Variants in STRAP observed in about 807,000 individuals in gnomAD.
STRAP encodes serine-threonine kinase receptor-associated protein.
Under a neutral mutation model 47.0 loss-of-function variants are expected in STRAP, and 16 were observed. That is an observed-to-expected ratio of 0.34 (90% CI 0.23 to 0.52). The LOEUF (loss-of-function observed/expected upper bound fraction) is 0.52. Among genes scored for constraint, STRAP ranks in the 20% least tolerant of loss-of-function variants. The probability of loss-of-function intolerance (pLI) is 0.96; values close to 1 mark genes in which losing one functional copy is unlikely to be tolerated. For synonymous variants in STRAP, 130 were observed against 142.7 expected, an observed-to-expected ratio of 0.91 and a Z score of 0.63; for missense variants, 293 against 420.0, an observed-to-expected ratio of 0.70 and a Z score of 2.64.
chr12:15,882,523 T>C lies in STRAP; in HGVS notation c.-185T>C. The C allele has an allele frequency of 2.1e-6, 1 of 467,264 alleles. No homozygotes were observed. The highest frequency in any genetic ancestry group is 3.4e-5 in the Admixed American group (1 of 29,766). The allele number at this position is 467,264 out of a possible 1,614,324, so 28.9% of individuals were successfully genotyped here. A position where few individuals can be genotyped will look rare whatever the true frequency, so the allele number is the denominator to read the frequency against. ...CGACTGTTGCTTGCTGGTCGCAGAC[T>C]CCCTGACCCCTCCCTCACCCCTCCC... On this transcript the variant is annotated 5_prime_UTR_variant, in exon 1 of 10. Transcript: ENST00000419869.
chr12:15,890,458 C>T lies in STRAP; in HGVS notation c.331-139C>T, dbSNP rs1037308447. ...GAGGTCAGCTGTTCCACAGTATCTT[C>T]TCAGAAGTAATTGGTTATGTCTTGG... is the stretch of plus-strand genomic sequence containing the variant. On this transcript the variant is annotated intron_variant, in intron 3 of 9. Transcript: ENST00000419869. This position sits in a 1 kb window ranked among gnomAD's most constrained non-coding sequence, Gnocchi z 4.5. 6.9e-6 allele frequency: 5 copies of T among 725,982 alleles called. No individual in the cohort carries two copies. The highest frequency in any genetic ancestry group is 5.4e-5 in the African/African-American group (3 of 55,232). The allele number at this position is 725,982 out of a possible 1,614,324, so 45.0% of individuals were successfully genotyped here.
chr12:15,882,418 CG>C lies in STRAP; in HGVS notation c.-289del, dbSNP rs2136105741. 1 of 483,832 alleles carries C rather than the reference CG, an allele frequency of 2.1e-6. No individual in the cohort carries two copies. Among genetic ancestry groups the C allele is most frequent in the South Asian group, 2.5e-5 (1 of 39,256 alleles). 30.0% of individuals were successfully genotyped at this position (483,832 alleles called of 1,614,324 possible). On this transcript the variant is annotated 5_prime_UTR_variant, in exon 1 of 10. An upstream open reading frame in the 5' UTR loses its in-frame stop. Transcript: ENST00000419869. ...CACTTCCTGCCGATGCCGGTGTGGA[CG>C]CTGTGAATCGTGGCTGGCCCGGTTC...
intron 4 of STRAP, among the ~76,000 whole-genome samples, chr12:15,892,709 T>A (rs1398972665): frequency 6.6e-6 from 1 of 152,232 alleles, no homozygotes; most frequent in Non-Finnish European, 1.5e-5. Context: ...ATTTTTTTAT[T>A]CTCCATTGCA....
chr12:15,889,096 G>C (rs1447674390), intron 2 of STRAP, among the ~76,000 whole-genome samples: 1 of 151,868 alleles, frequency 6.6e-6, no homozygotes, highest in Non-Finnish European at 1.5e-5. Flanking sequence ...TCACTGACCT[G>C]TTCTGATCTA....
chr12:15,902,885 C>CTTTTTTTTT (rs71042274), intron 9 of STRAP, 32 bp from the exon 10 acceptor site: 271 of 1,102,774 alleles, frequency 2.5e-4, no homozygotes, highest in South Asian at 8.1e-4. Flanking sequence ...ACTAATGTGA[C>CTTTTTTTTT]TTTTTTTTTT....
intron 1 of STRAP, 123 bp downstream of exon 1, chr12:15,882,942 A>G: frequency 7.5e-7 from 1 of 1,336,804 alleles, no homozygotes; most frequent in Non-Finnish European, 1.0e-6. Context: ...TTAACATCTG[A>G]GATGAGAGCC....
chr12:15,886,162 C>T (rs1030152049), intron 2 of STRAP, among the ~76,000 whole-genome samples: 2 of 151,720 alleles, frequency 1.3e-5, no homozygotes, highest in Non-Finnish European at 2.9e-5. Context: ...CGTGTGCTAA[C>T]TATGCTGTGT....
rs1948040687 is a variant in STRAP at position 15,894,157 on chromosome 12, CT to C, written c.500+17del. The C allele has an allele frequency of 6.2e-7, 1 of 1,603,642 alleles. No individual in the cohort carries two copies. Among genetic ancestry groups the C allele is most frequent in the South Asian group, 1.1e-5 (1 of 90,800 alleles). ...CAAAACTGTTCGGTAAGTAATTTTT[CT>C]TTAATAATTTACAATTTAAGGCCGG... On this transcript the variant is annotated intron_variant, in intron 5 of 9. Coordinates refer to ENST00000419869, the MANE Select transcript of STRAP (RefSeq NM_007178.4). This position sits in a 1 kb window ranked among gnomAD's most constrained non-coding sequence, Gnocchi z 4.9.
At position 15,891,162 on chromosome 12, in the gene STRAP, T is replaced by TAA. The variant is rs556910313; in HGVS notation, c.403+494_403+495dup. On this transcript the variant is annotated intron_variant, in intron 4 of 9. Transcript: ENST00000419869. Reference sequence around the variant, plus strand: ...TTTTTTCTGCACAGTTTTTAAAAAATAAGTTTATTTGCTATGTTGCTATTG... The same window carrying TAA: ...TTTTTTCTGCACAGTTTTTAAAAAATAAAAGTTTATTTGCTATGTTGCTATTG... 2.9e-3 allele frequency among the ~76,000 whole-genome samples: 447 copies of TAA among 152,310 alleles called. 3 individuals carry two copies. The highest frequency in any genetic ancestry group is 0.01 in the African/African-American group (432 of 41,578).
Position 15,889,930 on chromosome 12 carries a change from A to C in STRAP, c.251A>C (p.Lys84Thr). The change falls in exon 3 of 10, where the codon AAA (lysine) becomes ACA (threonine). Residue 84 changes from lysine (K) to threonine (T), a missense_variant and splice_region_variant. Physicochemically the swap from Lys to Thr is moderately conservative, Grantham distance 78 (BLOSUM62 -1). Coordinates refer to ENST00000419869, the MANE Select transcript of STRAP (RefSeq NM_007178.4). ...AATTTTCTCTTTTTTACTTTTAGCA[A>C]AGTGTGGGATGCTGTCTCAGGAGAT... ...AATAAADFTA[K>T]VWDAVSGDEL... 6.2e-7 allele frequency: 1 copy of C among 1,612,456 alleles called. No individual in the cohort carries two copies. Among genetic ancestry groups the C allele is most frequent in the Non-Finnish European group, 8.5e-7 (1 of 1,179,016 alleles).
chr12:15,882,637 C>T lies in STRAP; in HGVS notation c.-71C>T. 7.4e-7 allele frequency: 1 copy of T among 1,357,458 alleles called. No homozygotes were observed. Among genetic ancestry groups the T allele is most frequent in the Non-Finnish European group, 1.0e-6 (1 of 978,350 alleles). The allele number at this position is 1,357,458 out of a possible 1,614,324, so 84.1% of individuals were successfully genotyped here. On this transcript the variant is annotated 5_prime_UTR_variant, in exon 1 of 10. Transcript: ENST00000419869. ...CGGGGGCCTGGAGCAGCCCGAGGCA[C>T]TGCAGCAGAAGAGAGAAAAGACAAC...
At chr12:15,895,240 G>C in intron 5 of STRAP, 119 bp from the exon 6 acceptor site, 1 of 809,588 alleles carries the variant, frequency 1.2e-6, no homozygotes, top group Non-Finnish European at 1.8e-6. Context: ...GACTTGGAAT[G>C]AATGTTGTTT....
intron 9 of STRAP, among the ~76,000 whole-genome samples, chr12:15,902,577 A>G (rs988935038): frequency 4.6e-5 from 7 of 152,218 alleles, no homozygotes; most frequent in African/African-American, 1.7e-4. Context: ...TTGAATCACT[A>G]AAAGAGAGGG....
At chr12:15,888,534 T>TG (rs1947989537) in intron 2 of STRAP, among the ~76,000 whole-genome samples, 1 of 152,200 alleles carries the variant, frequency 6.6e-6, no homozygotes, top group South Asian at 2.1e-4. Context: ...TTGCAAGCTT[T>TG]GGTAGTGTAT....
rs1397936726 is a variant in STRAP, at chr12:15,887,406, G to C, written c.249-2522G>C. Among the ~76,000 whole-genome samples, 1 of 152,188 alleles carries C rather than the reference G, an allele frequency of 6.6e-6. No individual in the cohort carries two copies. The highest frequency in any genetic ancestry group is 1.5e-5 in the Non-Finnish European group (1 of 68,030). ...GAGGGTTAGCTGCTGAAAGGGTATT[G>C]TTAATAGCGCTTTACTGTCTTGATT... On this transcript the variant is annotated intron_variant, in intron 2 of 9. Coordinates refer to ENST00000419869, the MANE Select transcript of STRAP (RefSeq NM_007178.4). This position sits in a 1 kb window ranked among gnomAD's most constrained non-coding sequence, Gnocchi z 5.5.
chr12:15,900,391 G>C (rs981917704), intron 8 of STRAP, among the ~76,000 whole-genome samples: 21 of 151,984 alleles, frequency 1.4e-4, no homozygotes, highest in Non-Finnish European at 2.9e-4. Context: ...TTAGCCAGGT[G>C]TGGTGGTACA....
rs566476345 is a variant in STRAP at position 15,894,178 on chromosome 12, G to A, written c.500+35G>A. 6.4e-7 allele frequency: 1 copy of A among 1,554,574 alleles called. No individual in the cohort carries two copies. The highest frequency in any genetic ancestry group is 8.9e-7 in the Non-Finnish European group (1 of 1,128,756). ...TTTTCTTTAATAATTTACAATTTAA[G>A]GCCGGGCATGGTGGCTCACGCCTAT... is the stretch of plus-strand genomic sequence containing the variant. On this transcript the variant is annotated intron_variant, in intron 5 of 9. Transcript: ENST00000419869. This position sits in a 1 kb window ranked among gnomAD's most constrained non-coding sequence, Gnocchi z 4.9.
At chr12:15,900,274 G>A (rs1215646310) in intron 8 of STRAP, among the ~76,000 whole-genome samples, 1 of 152,100 alleles carries the variant, frequency 6.6e-6, no homozygotes, top group African/African-American at 2.4e-5. Context: ...GCTCACGCCT[G>A]TAATCCCAGC....
intron 4 of STRAP, among the ~76,000 whole-genome samples, chr12:15,893,210 A>C (rs1332801838): frequency 6.6e-6 from 1 of 151,904 alleles, no homozygotes; most frequent in African/African-American, 2.4e-5. Flanking sequence ...ACAGTGTAGA[A>C]ACATTCTTGG....
Sources: gnomAD v4.1 joint callset for allele counts (sites outside exome capture counted in the v4.1 genomes callset) on GRCh38, gnomAD v4.1.1 for gene constraint, Gnocchi (gnomAD v3.1) non-coding constraint, MANE v1.5 for transcripts, NCBI Gene and HGNC (gene_info 2026-07-23, HGNC 2026-07-21) for gene names.